Variants in PRRC1 observed in about 807,000 individuals in gnomAD.
PRRC1 encodes protein PRRC1.
PRRC1 carries 39 observed loss-of-function variants against 40.7 expected under a neutral mutation model. The observed-to-expected ratio is 0.96, with a 90% CI of 0.74 to 1.25. PRRC1 has a LOEUF of 1.25. Among genes scored for constraint, PRRC1 ranks in the 50% most tolerant of loss-of-function variants. The pLI is 0.00. For missense variants in PRRC1, 573 were observed against 548.3 expected, an observed-to-expected ratio of 1.05 and a Z score of -0.45; for synonymous variants, 175 against 193.3, an observed-to-expected ratio of 0.91 and a Z score of 0.79.
chr5:127,526,571 A>G (rs1767618853), intron 3 of PRRC1, 47 bp from the exon 4 acceptor site: 1 of 1,472,656 alleles, frequency 6.8e-7, no homozygotes, highest in South Asian at 1.4e-5. Flanking sequence ...TATAGGAAAA[A>G]GTTTATGGAA....
chr5:127,534,989 G>C (rs1767860298), intron 6 of PRRC1, among the ~76,000 whole-genome samples: 2 of 152,090 alleles, frequency 1.3e-5, no homozygotes, highest in Admixed American at 6.6e-5. Flanking sequence ...AATCTTATTT[G>C]TAAGACAGAC....
Position 127,551,818 on chromosome 5 carries a change from A to C in PRRC1, c.1240A>C (p.Met414Leu). The change falls in exon 9 of 9, where the codon ATG (methionine) becomes CTG (leucine). Residue 414 changes from methionine (M) to leucine (L), a missense_variant. Physicochemically the swap from Met to Leu is conservative, Grantham distance 15. Coordinates refer to ENST00000296666, the MANE Select transcript of PRRC1 (RefSeq NM_130809.5). ...LLNVSRTDWH[M>L]AFTGMSRRQM... ...GAATGTCAGCCGGACTGATTGGCAC[A>C]TGGCATTTACTGGGATGTCCCGTCG... The C allele has an allele frequency of 6.2e-7, 1 of 1,614,158 alleles. No individual in the cohort carries two copies. Among genetic ancestry groups the C allele is most frequent in the Non-Finnish European group, 8.5e-7 (1 of 1,180,016 alleles).
At position 127,552,058 on chromosome 5, in the gene PRRC1, C is replaced by G; in HGVS notation, c.*142C>G. 1 of 1,445,860 alleles carries G rather than the reference C, an allele frequency of 6.9e-7. No individual in the cohort carries two copies. 89.6% of individuals were successfully genotyped at this position (1,445,860 alleles called of 1,614,324 possible). Reference sequence around the variant, plus strand: ...CCTGTAGCCTGCAATTTTTCTTTCTCTAGAAAGGCATCATGTCATTCCAGG... The same window carrying G: ...CCTGTAGCCTGCAATTTTTCTTTCTGTAGAAAGGCATCATGTCATTCCAGG... On this transcript the variant is annotated 3_prime_UTR_variant, in exon 9 of 9. Coordinates refer to ENST00000296666, the MANE Select transcript of PRRC1 (RefSeq NM_130809.5).
chr5:127,524,401 T>TTTTAAAATGTGTAA, intron 2 of PRRC1, 130 bp from the exon 3 acceptor site: 2 of 817,100 alleles, frequency 2.4e-6, no homozygotes, highest in Non-Finnish European at 3.8e-6. Flanking sequence ...AAATTACACA[T>TTTTAAAATGTGTAA]TTTAAAATAA....
intron 2 of PRRC1, 189 bp downstream of exon 2, chr5:127,523,771 C>A: frequency 2.4e-6 from 1 of 410,786 alleles, no homozygotes; most frequent in Non-Finnish European, 4.3e-6. Flanking sequence ...AAGAAAACAT[C>A]AGTGTTTTGC....
In PRRC1 at chr5:127,553,197, T is replaced by C. The variant is rs538715604; in HGVS notation, c.*1281T>C. On this transcript the variant is annotated 3_prime_UTR_variant, in exon 9 of 9. Coordinates refer to ENST00000296666, the MANE Select transcript of PRRC1 (RefSeq NM_130809.5). Reference sequence around the variant, plus strand: ...ATCTCTGGCAGTTTTATAAAAGCTGTTGAAGCTCTTGTCCTGCACTGTCTT... The same window carrying C: ...ATCTCTGGCAGTTTTATAAAAGCTGCTGAAGCTCTTGTCCTGCACTGTCTT... 5 of 984,642 alleles carry C rather than the reference T, an allele frequency of 5.1e-6. No individual in the cohort carries two copies. In the Admixed American group the frequency reaches 1.8e-4, roughly 36 times the overall value. 61.0% of individuals were successfully genotyped at this position (984,642 alleles called of 1,614,324 possible). A position where few individuals can be genotyped will look rare whatever the true frequency, so the allele number is the denominator to read the frequency against.
At chr5:127,532,396 C>A (rs764791293) in intron 5 of PRRC1, among the ~76,000 whole-genome samples, 1 of 152,270 alleles carries the variant, frequency 6.6e-6, no homozygotes, top group South Asian at 2.1e-4. Context: ...CGTGAACCAC[C>A]GCGCCCGGCC....
At position 127,545,234 on chromosome 5, in the gene PRRC1, C is replaced by T. The variant is rs373773520; in HGVS notation, c.1026-2585C>T. Among the ~76,000 whole-genome samples the T allele has an allele frequency of 9.2e-3, 1,391 of 151,806 alleles. 15 individuals are homozygous for T. The highest frequency in any genetic ancestry group is 0.03 in the East Asian group (153 of 5,152). On this transcript the variant is annotated intron_variant, in intron 7 of 8. Coordinates refer to ENST00000296666, the MANE Select transcript of PRRC1 (RefSeq NM_130809.5). ...CATTGTGGAAGTCAGTGTGGCGATT[C>T]CTCAGGGATCTAGAACTAGAAATAC...
intron 2 of PRRC1, 36 bp downstream of exon 2, chr5:127,523,618 G>C: frequency 7.9e-7 from 1 of 1,258,364 alleles, no homozygotes; most frequent in Non-Finnish European, 1.1e-6. Context: ...TGTGTTTTGA[G>C]AATAGTGAAG....
chr5:127,548,131 A>G, intron 8 of PRRC1: 1 of 621,738 alleles, frequency 1.6e-6, no homozygotes. Context: ...GGTGTCTTTG[A>G]AAGGTAATAC....
In PRRC1 at chr5:127,554,038, C is replaced by A; in HGVS notation, c.*2122C>A. ...AGCATGACTGACTTCACATGCTCAG[C>A]TTTCTCAGCCTTTTGTTTATTTTGT... On this transcript the variant is annotated 3_prime_UTR_variant, in exon 9 of 9. Coordinates refer to ENST00000296666, the MANE Select transcript of PRRC1 (RefSeq NM_130809.5). 1.3e-6 allele frequency: 1 copy of A among 790,384 alleles called. No homozygotes were observed. The highest frequency in any genetic ancestry group is 1.9e-6 in the Non-Finnish European group (1 of 527,392). 49.0% of individuals were successfully genotyped at this position (790,384 alleles called of 1,614,324 possible). A position where few individuals can be genotyped will look rare whatever the true frequency, so the allele number is the denominator to read the frequency against.
intron 6 of PRRC1, among the ~76,000 whole-genome samples, chr5:127,538,703 G>T (rs1490021266): frequency 6.6e-6 from 1 of 151,994 alleles, no homozygotes; most frequent in Non-Finnish European, 1.5e-5. Context: ...TAGTAAGATG[G>T]TCTCTTGCCA....
intron 6 of PRRC1, among the ~76,000 whole-genome samples, chr5:127,534,647 C>T (rs1468772140): frequency 2.0e-5 from 3 of 152,150 alleles, no homozygotes; most frequent in African/African-American, 7.2e-5. Flanking sequence ...TCCTCCTCTT[C>T]TCTCCAGTCT....
At chr5:127,547,488 G>A (rs1768259824) in intron 7 of PRRC1, among the ~76,000 whole-genome samples, 1 of 152,020 alleles carries the variant, frequency 6.6e-6, no homozygotes. Flanking sequence ...CTCATAAGCT[G>A]TTTGCATATT....
intron 3 of PRRC1, among the ~76,000 whole-genome samples, chr5:127,525,773 C>T (rs1240534473): frequency 6.6e-6 from 1 of 152,006 alleles, no homozygotes; most frequent in Non-Finnish European, 1.5e-5. Context: ...ATATACAACT[C>T]AGTAGATGAT....
chr5:127,548,910 A>T (rs939907008), intron 8 of PRRC1: 2 of 152,116 alleles, frequency 1.3e-5, no homozygotes, highest in Admixed American at 1.3e-4. Flanking sequence ...TTAACATTAC[A>T]CTCATTTCAA....
Position 127,553,596 on chromosome 5 carries a change from AAC to A in PRRC1, c.*1682_*1683del. The A allele has an allele frequency of 7.5e-7, 1 of 1,337,442 alleles. No homozygotes were observed. The highest frequency in any genetic ancestry group is 9.6e-7 in the Non-Finnish European group (1 of 1,042,260). 82.8% of individuals were successfully genotyped at this position (1,337,442 alleles called of 1,614,324 possible). ...ATCATGGCAATGGCATGATGACAAC[AAC>A]AGTCTTTCATTACAGACTGAAGGGA... On this transcript the variant is annotated 3_prime_UTR_variant, in exon 9 of 9. Coordinates refer to ENST00000296666, the MANE Select transcript of PRRC1 (RefSeq NM_130809.5).
Position 127,554,939 on chromosome 5 carries a change from G to C in PRRC1, c.*3023G>C, listed in dbSNP as rs1404648564. 2.0e-5 allele frequency: 3 copies of C among 152,494 alleles called. No individual in the cohort carries two copies. Among genetic ancestry groups the C allele is most frequent in the Non-Finnish European group, 4.4e-5 (3 of 68,012 alleles). 9.4% of individuals were successfully genotyped at this position (152,494 alleles called of 1,614,324 possible). A position where few individuals can be genotyped will look rare whatever the true frequency, so the allele number is the denominator to read the frequency against. ...TAATATTCTATGTTCTAAAAGTTGG[G>C]CTATACATAAATTATTAAGAAATAT... On this transcript the variant is annotated 3_prime_UTR_variant, in exon 9 of 9. Transcript: ENST00000296666.
chr5:127,551,159 C>T (rs1768371101), intron 8 of PRRC1: 1 of 164,238 alleles, frequency 6.1e-6, no homozygotes, highest in Admixed American at 5.7e-5. Flanking sequence ...ATTCTTCTGT[C>T]ATTCCTTTGT....
Sources: gnomAD v4.1 joint callset for allele counts (sites outside exome capture counted in the v4.1 genomes callset) on GRCh38, gnomAD v4.1.1 for gene constraint, MANE v1.5 for transcripts, NCBI Gene and HGNC (gene_info 2026-07-23, HGNC 2026-07-21) for gene names.